The following DLGAP1 variants were observed in gnomAD, a reference collection of about 807,000 sequenced individuals.
The protein encoded by DLGAP1 is disks large-associated protein 1.
DLGAP1 carries 11 observed loss-of-function variants against 90.8 expected under a neutral mutation model. The ratio of observed to expected loss-of-function variants is 0.12; its 90% CI spans 0.08 to 0.20. The LOEUF is 0.20. DLGAP1 is among the 10% of genes least tolerant of loss of function. The probability of loss-of-function intolerance (pLI) is 1.00; values close to 1 mark genes in which losing one functional copy is unlikely to be tolerated. For synonymous variants in DLGAP1, 558 were observed against 540.7 expected (o/e 1.03, Z -0.44); for missense variants, 1,050 against 1,333.8 (o/e 0.79, Z 3.31).
chr18:3,758,042 G>T (rs2063790400), intron 5 of DLGAP1, among the ~76,000 whole-genome samples: 1 of 151,388 alleles, frequency 6.6e-6, no homozygotes, highest in Admixed American at 6.6e-5. Flanking sequence ...TTGAACTGGG[G>T]AGGCGGAGGT....
intron 7 of DLGAP1, among the ~76,000 whole-genome samples, chr18:3,673,692 A>G (rs1466297224): frequency 6.6e-6 from 1 of 151,630 alleles, no homozygotes; most frequent in Non-Finnish European, 1.5e-5. Context: ...GACTACAGGC[A>G]TGCGCCACCA....
chr18:4,256,041 G>A (rs1444737681), intron 1 of DLGAP1, among the ~76,000 whole-genome samples: 5 of 152,178 alleles, frequency 3.3e-5, no homozygotes, highest in African/African-American at 1.2e-4. Flanking sequence ...CAGCTAATAA[G>A]GATGTAGATG....
At chr18:3,508,853 G>A in intron 10 of DLGAP1, among the ~76,000 whole-genome samples, 192 bp from the exon 11 acceptor site, 1 of 152,090 alleles carries the variant, frequency 6.6e-6, no homozygotes, top group East Asian at 1.9e-4. Flanking sequence ...AGGCTCCTGG[G>A]TTAAAGTAAT....
rs555073001 is a variant in DLGAP1 at position 4,439,027 on chromosome 18, T to C, written c.-267+15979A>G. ...TTTGTGCAAACTGGCTACAATCCAC[T>C]GAATGCCTCCTTCCTGCCTTGATGT... On this transcript the variant is annotated intron_variant, in intron 1 of 12. Coordinates refer to ENST00000315677, the MANE Select transcript of DLGAP1 (RefSeq NM_004746.4). 1.1e-3 allele frequency among the ~76,000 whole-genome samples: 169 copies of C among 152,324 alleles called. 1 individual carries two copies. The highest frequency in any genetic ancestry group is 3.6e-3 in the African/African-American group (150 of 41,586).
chr18:3,979,262 C>A (rs551547042), intron 3 of DLGAP1, among the ~76,000 whole-genome samples: 1 of 152,214 alleles, frequency 6.6e-6, no homozygotes, highest in African/African-American at 2.4e-5. Flanking sequence ...TGTTTAGATG[C>A]ACAAATATTT....
At chr18:3,583,358 G>A (rs987293297) in intron 7 of DLGAP1, among the ~76,000 whole-genome samples, 5 of 144,166 alleles carry the variant, frequency 3.5e-5, no homozygotes, top group South Asian at 4.4e-4. Context: ...CTCTCTCTCC[G>A]TCTCCCTCTT....
chr18:3,896,327 C>G (rs899458548), intron 3 of DLGAP1: 6 of 151,744 alleles, frequency 4.0e-5, no homozygotes, highest in African/African-American at 1.2e-4. Flanking sequence ...CCAGGAACAT[C>G]ACAGCAGAGA....
At chr18:4,403,284 TC>T (rs1281714319) in intron 1 of DLGAP1, among the ~76,000 whole-genome samples, 1 of 152,176 alleles carries the variant, frequency 6.6e-6, no homozygotes, top group Non-Finnish European at 1.5e-5. Flanking sequence ...AAAGTCCACT[TC>T]CCTATGATCA....
Position 3,932,142 on chromosome 18 carries a change from G to A in DLGAP1, c.-72-52002C>T, listed in dbSNP as rs150842645. Among the ~76,000 whole-genome samples the A allele has an allele frequency of 3.1e-3, 465 of 152,200 alleles. 2 individuals are homozygous for A. Among genetic ancestry groups the A allele is most frequent in the African/African-American group, 7.2e-3 (301 of 41,522 alleles). On this transcript the variant is annotated intron_variant, in intron 3 of 12. Coordinates refer to ENST00000315677, the MANE Select transcript of DLGAP1 (RefSeq NM_004746.4). The stretch of plus-strand genomic sequence containing the variant: ...TCCTAATAAGGCTGCTTCTAAAGTC[G>A]CCCACATGGTTAAATCCAAAGCATG...
At chr18:4,336,171 A>G (rs1474311757) in intron 1 of DLGAP1, among the ~76,000 whole-genome samples, 1 of 152,316 alleles carries the variant, frequency 6.6e-6, no homozygotes, top group East Asian at 1.9e-4. Context: ...TTTGCTGCCC[A>G]TTGGCACAGA....
chr18:3,880,623 G>A (rs2071130871), intron 3 of DLGAP1, among the ~76,000 whole-genome samples: 2 of 152,100 alleles, frequency 1.3e-5, no homozygotes, highest in Admixed American at 1.3e-4. Context: ...CCTGTAGGGA[G>A]AGAAGGTGGA....
intron 4 of DLGAP1, among the ~76,000 whole-genome samples, chr18:3,835,997 T>A (rs1195645211): frequency 6.6e-6 from 1 of 152,202 alleles, no homozygotes; most frequent in Non-Finnish European, 1.5e-5. Flanking sequence ...ACCTATTTAA[T>A]AATTATAGCA....
intron 1 of DLGAP1, among the ~76,000 whole-genome samples, chr18:4,152,358 T>G (rs1462429648): frequency 6.6e-6 from 1 of 152,100 alleles, no homozygotes; most frequent in African/African-American, 2.4e-5. Flanking sequence ...TTATAAGAAT[T>G]ATAGTGCTTA....
intron 2 of DLGAP1, among the ~76,000 whole-genome samples, chr18:4,011,531 T>G (rs932784560): frequency 6.6e-6 from 1 of 151,632 alleles, no homozygotes; most frequent in Non-Finnish European, 1.5e-5. Context: ...ATAACAGTCC[T>G]CTGGGCTGGG....
intron 5 of DLGAP1, among the ~76,000 whole-genome samples, chr18:3,791,370 T>C (rs1410107783): frequency 6.6e-6 from 1 of 152,232 alleles, no homozygotes; most frequent in African/African-American, 2.4e-5. Flanking sequence ...TAATTTCATA[T>C]ACAGTTGTTA....
intron 9 of DLGAP1, among the ~76,000 whole-genome samples, chr18:3,541,712 T>A (rs1568161669): frequency 6.6e-6 from 1 of 152,152 alleles, no homozygotes; most frequent in Non-Finnish European, 1.5e-5. Flanking sequence ...CATATTTAAG[T>A]CCCTTGCGAT....
intron 3 of DLGAP1, among the ~76,000 whole-genome samples, chr18:3,918,423 T>C (rs771368789): frequency 1.9e-4 from 29 of 152,208 alleles, no homozygotes; most frequent in Non-Finnish European, 3.7e-4. Flanking sequence ...AATACTGTGC[T>C]AGACGTTTTC....
intron 7 of DLGAP1, among the ~76,000 whole-genome samples, chr18:3,728,566 C>T (rs760039583): frequency 6.6e-6 from 1 of 151,964 alleles, no homozygotes; most frequent in Non-Finnish European, 1.5e-5. Context: ...CAGGATAGAT[C>T]GAAGTTTTAA....
intron 1 of DLGAP1, among the ~76,000 whole-genome samples, chr18:4,264,114 A>G (rs2079057172): frequency 6.6e-6 from 1 of 152,244 alleles, no homozygotes; most frequent in Non-Finnish European, 1.5e-5. Context: ...GAAAATTCAT[A>G]AAGTCCATCC....
Sources: allele counts gnomAD v4.1 joint callset (sites outside exome capture counted in the v4.1 genomes callset), GRCh38; gene constraint gnomAD v4.1.1; transcripts MANE v1.5; gene names NCBI Gene and HGNC (gene_info 2026-07-23, HGNC 2026-07-21).